Variants in OVCH1 observed in about 807,000 individuals in gnomAD.
OVCH1 encodes the protein ovochymase-1.
OVCH1 carries 139 observed loss-of-function variants against 138.4 expected under a neutral mutation model. That is an observed-to-expected ratio of 1.00 (90% CI 0.87 to 1.16). OVCH1 has a LOEUF of 1.16. Among genes scored for constraint, OVCH1 ranks in the 50% most tolerant of loss-of-function variants. The pLI is 0.00. For missense variants in OVCH1, 1,367 were observed against 1,357.9 expected (o/e 1.01, Z -0.11); for synonymous variants, 453 against 467.8 (o/e 0.97, Z 0.41).
chr12:29,478,442 A>C (rs1942816522), intron 9 of OVCH1, among the ~76,000 whole-genome samples: 1 of 152,172 alleles, frequency 6.6e-6, no homozygotes, highest in Non-Finnish European at 1.5e-5. Flanking sequence ...CCTCAAAAGG[A>C]AGTTTTCTGA....
At chr12:29,448,371 G>C (rs1200812967) in intron 22 of OVCH1, among the ~76,000 whole-genome samples, 2 of 151,694 alleles carry the variant, frequency 1.3e-5, no homozygotes, top group South Asian at 2.1e-4. Context: ...TCTAAGAAAA[G>C]GGAACTGAGA....
In OVCH1 at chr12:29,455,197, C is replaced by T. The variant is rs142335202; in HGVS notation, c.2437+52G>A. On this transcript the variant is annotated intron_variant, in intron 20 of 27. Transcript: ENST00000318184. ...TTATACCACACTCACTGTTCCCAAACCCACTCTAAAGAAAGAGGTTATTGT... is the reference window on the plus strand; with the variant it reads ...TTATACCACACTCACTGTTCCCAAATCCACTCTAAAGAAAGAGGTTATTGT... 75 of 1,575,966 alleles carry T rather than the reference C, an allele frequency of 4.8e-5. No homozygotes were observed. In the African/African-American group the frequency reaches 9.2e-4, roughly 19 times the overall value.
At chr12:29,450,594 A>G (rs1941759501) in intron 22 of OVCH1, among the ~76,000 whole-genome samples, 2 of 152,192 alleles carry the variant, frequency 1.3e-5, no homozygotes, top group African/African-American at 4.8e-5. Flanking sequence ...CAACCATTGT[A>G]GAATACAGTG....
At chr12:29,462,454 C>G (rs991155820) in intron 18 of OVCH1, among the ~76,000 whole-genome samples, 4 of 149,732 alleles carry the variant, frequency 2.7e-5, no homozygotes, top group Non-Finnish European at 4.4e-5. Context: ...AAACAAAAAT[C>G]ATAATCCTGT....
rs373801967 is a variant in OVCH1, at chr12:29,489,619, C to T, written c.702+1G>A. 27 of 1,602,990 alleles carry T rather than the reference C, an allele frequency of 1.7e-5. No homozygotes were observed. Among genetic ancestry groups the T allele is most frequent in the East Asian group, 1.1e-4 (5 of 44,564 alleles). On this transcript the variant is annotated splice_donor_variant, in intron 6 of 27. Coordinates refer to ENST00000318184, the Ensembl canonical transcript of OVCH1. LOFTEE classifies it high-confidence loss of function. Reference sequence around the variant, plus strand: ...AGCTAGGCTGGTTTACACTTTTGTACCTGGCAGGCGTCCATTCCCCAATCA... The same window carrying T: ...AGCTAGGCTGGTTTACACTTTTGTATCTGGCAGGCGTCCATTCCCCAATCA...
chr12:29,491,151 T>C (rs1943262129), exon 5 of OVCH1: 1 of 1,613,676 alleles, frequency 6.2e-7, no homozygotes. Context: ...GGTTCAACTT[T>C]ATCATCGCTG....
At chr12:29,405,051 AAAAAAC>A in the OVCH1 span, among the ~76,000 whole-genome samples, 3,495 of 139,586 alleles carry the variant, frequency 0.025, 175 homozygotes, top group Non-Finnish European at 0.035. Flanking sequence ...AAAAAAAAAA[AAAAAAC>A]AAAAGAAATG....
Position 29,497,606 on chromosome 12 carries a change from C to T in OVCH1, c.64+17G>A, listed in dbSNP as rs1943454698. 2.5e-6 allele frequency: 4 copies of T among 1,613,404 alleles called. No individual in the cohort carries two copies. Among genetic ancestry groups the T allele is most frequent in the Non-Finnish European group, 3.4e-6 (4 of 1,179,600 alleles). On this transcript the variant is annotated intron_variant, in intron 1 of 27. Transcript: ENST00000318184. ...CAGCCTCCTCCGCAGTCCTGGTGCC[C>T]AGGTCCCTAGGCTCACCTAGGCTTC...
At chr12:29,447,678 T>G (rs1300031994) in intron 22 of OVCH1, among the ~76,000 whole-genome samples, 1 of 151,686 alleles carries the variant, frequency 6.6e-6, no homozygotes, top group Non-Finnish European at 1.5e-5. Context: ...ACAATGACTG[T>G]GGGAAGGAAT....
At chr12:29,457,597 G>T (rs909876776) in intron 19 of OVCH1, among the ~76,000 whole-genome samples, 2 of 151,606 alleles carry the variant, frequency 1.3e-5, no homozygotes, top group Non-Finnish European at 2.9e-5. Flanking sequence ...TAGAGACAGG[G>T]TTTCACCATG....
chr12:29,459,586 A>G (rs1046649683), intron 19 of OVCH1, among the ~76,000 whole-genome samples: 5 of 152,194 alleles, frequency 3.3e-5, no homozygotes, highest in Non-Finnish European at 7.3e-5. Context: ...GGGTAACTAC[A>G]GTCAATAATA....
intron 10 of OVCH1, 29 bp from the exon 11 acceptor site, chr12:29,477,507 A>G (rs376126317): frequency 3.2e-5 from 51 of 1,613,966 alleles, no homozygotes; most frequent in Non-Finnish European, 4.2e-5. Context: ...AAGTGAAATA[A>G]CATTACTAAA....
At chr12:29,428,561 C>A (rs1941216628) in intron 27 of OVCH1, among the ~76,000 whole-genome samples, 1 of 152,084 alleles carries the variant, frequency 6.6e-6, no homozygotes, top group Non-Finnish European at 1.5e-5. Context: ...TTAAGGAAAA[C>A]CAATAGCTTG....
At chr12:29,443,612 T>G (rs1941542713) in intron 24 of OVCH1, 112 bp from the exon 25 acceptor site, 1 of 1,085,958 alleles carries the variant, frequency 9.2e-7, no homozygotes, top group Non-Finnish European at 1.3e-6. Flanking sequence ...GAGCCTTATT[T>G]TTTGTGTCTG....
chr12:29,426,964 G>T (rs931683764), downstream of OVCH1, among the ~76,000 whole-genome samples: 1 of 152,172 alleles, frequency 6.6e-6, no homozygotes, highest in Non-Finnish European at 1.5e-5. Context: ...GACAGTGCAG[G>T]TGTAGACAAG....
At chr12:29,485,318 A>T (rs142275635) in intron 8 of OVCH1, among the ~76,000 whole-genome samples, 7 of 78,334 alleles carry the variant, frequency 8.9e-5, no homozygotes, top group Admixed American at 8.7e-4. Context: ...CCCAGTCTTT[A>T]AAAAAAAAAA....
downstream of OVCH1, among the ~76,000 whole-genome samples, chr12:29,411,349 A>G (rs915505975): frequency 1.3e-5 from 2 of 151,270 alleles, no homozygotes; most frequent in South Asian, 2.1e-4. Context: ...CTGGTGAGGA[A>G]CTGCGTTCCT....
chr12:29,443,230 G>T (rs540585280), intron 25 of OVCH1, 131 bp downstream of exon 25: 4 of 875,608 alleles, frequency 4.6e-6, no homozygotes, highest in Admixed American at 2.9e-5. Flanking sequence ...TTAACAGTAA[G>T]TCTATTTCAA....
intron 21 of OVCH1, 88 bp from the exon 22 acceptor site, chr12:29,451,657 C>A (rs1941800607): frequency 1.9e-6 from 2 of 1,034,408 alleles, no homozygotes; most frequent in Non-Finnish European, 2.8e-6. Context: ...AAAATCTAGG[C>A]TTGCAAGGAG....
Sources: allele counts gnomAD v4.1 joint callset (sites outside exome capture counted in the v4.1 genomes callset), GRCh38; gene constraint gnomAD v4.1.1; transcripts MANE v1.5; gene names NCBI Gene and HGNC (gene_info 2026-07-23, HGNC 2026-07-21).